Variants in DGKD observed in about 807,000 individuals in gnomAD.
The protein encoded by DGKD is DAG kinase delta.
A neutral mutation model predicts 154.4 loss-of-function variants in DGKD; 68 were observed. The observed-to-expected ratio is 0.44, with a 90% CI of 0.36 to 0.54. DGKD has a LOEUF of 0.54. Among genes scored for constraint, DGKD ranks in the 20% least tolerant of loss-of-function variants. DGKD has a pLI of 0.00. For missense variants in DGKD, 1,343 were observed against 1,593.6 expected (o/e 0.84, Z 2.68); for synonymous variants, 693 against 638.0 (o/e 1.09, Z -1.30).
At chr2:233,447,816 A>T in intron 12 of DGKD, 4 of 1,256,368 alleles carry the variant, frequency 3.2e-6, no homozygotes, top group Non-Finnish European at 4.0e-6. Context: ...CTCCTAGCAC[A>T]GGCCGTGCTG....
At chr2:233,406,948 A>G (rs976265610) in intron 3 of DGKD, among the ~76,000 whole-genome samples, 1 of 152,214 alleles carries the variant, frequency 6.6e-6, no homozygotes, top group African/African-American at 2.4e-5. Context: ...CTTTTCCCCA[A>G]GTAATATTTT....
Position 233,457,384 on chromosome 2 carries a change from G to A in DGKD, c.2580+56G>A, listed in dbSNP as rs1025374582. Reference sequence around the variant, plus strand: ...AGCTCAGTGGGGAAGAGCTGTCTGAGAGCAGGGGGGTGTTCTGCTGTGGCT... The same window carrying A: ...AGCTCAGTGGGGAAGAGCTGTCTGAAAGCAGGGGGGTGTTCTGCTGTGGCT... On this transcript the variant is annotated intron_variant, in intron 21 of 29. Coordinates refer to ENST00000264057, the MANE Select transcript of DGKD (RefSeq NM_152879.3). The surrounding 1 kb of genome is among the most constrained non-coding windows in gnomAD (Gnocchi z 5.5). 3 of 1,288,426 alleles carry A rather than the reference G, an allele frequency of 2.3e-6. No homozygotes were observed. The highest frequency in any genetic ancestry group is 3.4e-6 in the Non-Finnish European group (3 of 888,070). 79.8% of individuals were successfully genotyped at this position (1,288,426 alleles called of 1,614,324 possible). A position where few individuals can be genotyped will look rare whatever the true frequency, so the allele number is the denominator to read the frequency against.
chr2:233,413,252 G>T (rs1173342430), intron 3 of DGKD, among the ~76,000 whole-genome samples: 3 of 152,134 alleles, frequency 2.0e-5, no homozygotes, highest in Non-Finnish European at 2.9e-5. Flanking sequence ...ACATATATAT[G>T]TAGTGAGTCA....
intron 1 of DGKD, among the ~76,000 whole-genome samples, chr2:233,375,164 G>T (rs181420753): frequency 6.6e-6 from 1 of 152,134 alleles, no homozygotes; most frequent in African/African-American, 2.4e-5. Context: ...GATGGCACAC[G>T]CCCGTAGTCC....
intron 1 of DGKD, among the ~76,000 whole-genome samples, chr2:233,382,778 A>G (rs1400680114): frequency 6.6e-6 from 1 of 152,136 alleles, no homozygotes; most frequent in Non-Finnish European, 1.5e-5. Context: ...TTTTCCCTTT[A>G]CCATTTTACA....
At chr2:233,434,600 A>G (rs900983301) in intron 4 of DGKD, 116 bp downstream of exon 4, 5 of 1,424,582 alleles carry the variant, frequency 3.5e-6, no homozygotes, top group South Asian at 2.4e-5. Flanking sequence ...CGTTCTTAGC[A>G]TGTTCTTTAT....
chr2:233,394,662 G>T (rs1300577781), intron 3 of DGKD, among the ~76,000 whole-genome samples: 1 of 72,312 alleles, frequency 1.4e-5, no homozygotes, highest in Admixed American at 1.5e-4. Context: ...TTTATCTTTA[G>T]TTTTCCTTAT....
intron 1 of DGKD, among the ~76,000 whole-genome samples, chr2:233,357,181 A>G (rs1397373525): frequency 6.6e-6 from 1 of 152,212 alleles, no homozygotes; most frequent in Non-Finnish European, 1.5e-5. Context: ...GGAGCCTTGC[A>G]AGGGCACAGC....
chr2:233,429,193 A>T, intron 3 of DGKD: 1 of 985,352 alleles, frequency 1.0e-6, no homozygotes, highest in African/African-American at 1.7e-5. Flanking sequence ...TCAGCTCGTA[A>T]AGGCTGCCGT....
chr2:233,397,646 A>G (rs956063509), intron 3 of DGKD, among the ~76,000 whole-genome samples: 1 of 152,142 alleles, frequency 6.6e-6, no homozygotes, highest in Non-Finnish European at 1.5e-5. Context: ...CTTACTCCTC[A>G]GGACTTGGGC....
intron 1 of DGKD, among the ~76,000 whole-genome samples, chr2:233,366,583 C>T (rs532713451): frequency 3.3e-5 from 5 of 152,290 alleles, no homozygotes; most frequent in African/African-American, 9.6e-5. Context: ...TTATTCTCCA[C>T]TACCCCAGTT....
rs2062144724 is a variant in DGKD at position 233,422,311 on chromosome 2, A to G, written c.349-12069A>G. ...TGATTCCTCAAGCACTGTTGTGTTT[A>G]GAAATGAAACCTTCCATTTCCAGGG... is the stretch of plus-strand genomic sequence containing the variant. On this transcript the variant is annotated intron_variant, in intron 3 of 29. Coordinates refer to ENST00000264057, the MANE Select transcript of DGKD (RefSeq NM_152879.3). Among the ~76,000 whole-genome samples the G allele has an allele frequency of 2.0e-5, 3 of 152,248 alleles. No individual in the cohort carries two copies. The South Asian group carries it at 6.2e-4, about 31-fold the overall frequency.
Position 233,460,316 on chromosome 2 carries a change from T to G in DGKD, c.2952T>G (p.Phe984Leu), listed in dbSNP as rs1242332453. 2 of 1,614,016 alleles carry G rather than the reference T, an allele frequency of 1.2e-6. No homozygotes were observed. The highest frequency in any genetic ancestry group is 1.3e-5 in the African/African-American group (1 of 75,030). Residue 984 changes from phenylalanine (F) to leucine (L), a missense_variant, in exon 24 of 30, where the codon TTT becomes TTG. Physicochemically the swap from Phe to Leu is conservative, Grantham distance 22 (BLOSUM62 0). Transcript: ENST00000264057. ...SEEEATQMDQ[F>L]GQAAGVLIHS... Reference sequence around the variant, plus strand: ...AGGAGGCCACCCAGATGGACCAGTTTGGGCAGGCAGCAGGGGTCCTCATTC... The same window carrying G: ...AGGAGGCCACCCAGATGGACCAGTTGGGGCAGGCAGCAGGGGTCCTCATTC...
intron 26 of DGKD, among the ~76,000 whole-genome samples, chr2:233,463,470 A>G (rs1291734246): frequency 3.4e-4 from 35 of 103,786 alleles, no homozygotes; most frequent in African/African-American, 1.5e-3. Flanking sequence ...GCATGTCCTC[A>G]CTGCACGCAT....
At chr2:233,448,447 C>G in intron 14 of DGKD, 72 bp downstream of exon 14, 1 of 1,376,906 alleles carries the variant, frequency 7.3e-7, no homozygotes, top group Non-Finnish European at 1.0e-6. Flanking sequence ...AGCAGAGGGC[C>G]GTGACTGCAG....
intron 1 of DGKD, among the ~76,000 whole-genome samples, chr2:233,385,246 C>G (rs982518986): frequency 1.1e-4 from 16 of 152,322 alleles, no homozygotes; most frequent in Non-Finnish European, 7.4e-5. Context: ...ACGTGGTAGT[C>G]TTGGACCTGT....
At chr2:233,394,759 A>G (rs838721) in intron 3 of DGKD, among the ~76,000 whole-genome samples, 84,976 of 132,200 alleles carry the variant, frequency 0.64, 27,382 homozygotes, top group African/African-American at 0.8. Flanking sequence ...TCAGGCTGGA[A>G]TGCGGTGGTA....
At chr2:233,400,453 C>A (rs553967646) in intron 3 of DGKD, among the ~76,000 whole-genome samples, 1 of 152,220 alleles carries the variant, frequency 6.6e-6, no homozygotes, top group Non-Finnish European at 1.5e-5. Flanking sequence ...CTGTCTGAGA[C>A]GCCTCATGCT....
chr2:233,460,150 C>G, intron 23 of DGKD, 44 bp from the exon 24 acceptor site: 1 of 1,602,018 alleles, frequency 6.2e-7, no homozygotes, highest in Non-Finnish European at 8.5e-7. Context: ...CAGTCAGATG[C>G]ATGCTTCAGA....
Sources: allele counts gnomAD v4.1 joint callset (sites outside exome capture counted in the v4.1 genomes callset), GRCh38; gene constraint gnomAD v4.1.1; non-coding constraint Gnocchi (gnomAD v3.1); transcripts MANE v1.5; gene names NCBI Gene and HGNC (gene_info 2026-07-23, HGNC 2026-07-21).